Variants in EMCN observed in about 807,000 individuals in gnomAD.
EMCN encodes endomucin.
EMCN carries 37 observed loss-of-function variants against 38.4 expected under a neutral mutation model. The observed-to-expected ratio is 0.96, with a 90% confidence interval of 0.74 to 1.27. The LOEUF (loss-of-function observed/expected upper bound fraction) is 1.27, where lower values mean the gene tolerates loss of function less well. Among genes scored for constraint, EMCN ranks in the 50% most tolerant of loss-of-function variants. The probability of loss-of-function intolerance (pLI) is 0.00; values close to 1 mark genes in which losing one functional copy is unlikely to be tolerated. For missense variants in EMCN, 318 were observed against 302.8 expected (o/e 1.05, Z -0.37); for synonymous variants, 95 against 100.8 (o/e 0.94, Z 0.35).
At position 100,399,369 on chromosome 4, in the gene EMCN, G is replaced by T. The variant is rs1020117174; in HGVS notation, c.*40-996C>A. Among the ~76,000 whole-genome samples, 5 of 152,110 alleles carry T rather than the reference G, an allele frequency of 3.3e-5. No individual in the cohort carries two copies. In the East Asian group the frequency reaches 9.7e-4, roughly 29 times the overall value. On this transcript the variant is annotated intron_variant, in intron 11 of 11. Coordinates refer to ENST00000296420, the MANE Select transcript of EMCN (RefSeq NM_016242.4). ...GTGTGTGTGGTGGGGTGTGGGGAGT[G>T]GTACAAGTGGCGGAGACCTGTAACC...
intron 5 of EMCN, among the ~76,000 whole-genome samples, chr4:100,442,836 A>G (rs1727561089): frequency 6.6e-6 from 1 of 151,936 alleles, no homozygotes; most frequent in South Asian, 2.1e-4. Context: ...TCAGTTCATT[A>G]TTTAATTTTA....
intron 1 of EMCN, among the ~76,000 whole-genome samples, chr4:100,496,769 T>C (rs560102298): frequency 2.2e-4 from 34 of 152,224 alleles, no homozygotes; most frequent in African/African-American, 8.2e-4. Context: ...CAGACGCAGA[T>C]TAGAGATTTG....
intron 4 of EMCN, among the ~76,000 whole-genome samples, chr4:100,455,731 G>A (rs1727997322): frequency 1.3e-5 from 2 of 151,760 alleles, no homozygotes; most frequent in Admixed American, 6.6e-5. Flanking sequence ...GGCTCTTTAA[G>A]TTACCTGAAT....
Position 100,473,365 on chromosome 4 carries a change from G to GTTT in EMCN, c.259+1670_259+1672dup. ...TTCTAATGGGCATTTCCCGTTTCGT[G>GTTT]TTTTTTTGTTTTTTTTTTTTGTTTT... On this transcript the variant is annotated intron_variant, in intron 3 of 11. Transcript: ENST00000296420. Among the ~76,000 whole-genome samples, 269 of 29,828 alleles carry GTTT rather than the reference G, an allele frequency of 9.0e-3. 34 individuals are homozygous for GTTT. The highest frequency in any genetic ancestry group is 0.033 in the East Asian group (34 of 1,034). The allele number at this position is 29,828 out of a possible 152,430, so 19.6% of individuals were successfully genotyped here.
At chr4:100,510,269 G>C (rs1320373305) in intron 1 of EMCN, among the ~76,000 whole-genome samples, 1 of 152,158 alleles carries the variant, frequency 6.6e-6, no homozygotes, top group African/African-American at 2.4e-5. Context: ...TTAGTTTATA[G>C]ATGAAGGTAA....
At chr4:100,476,617 T>A (rs1728658924) in intron 2 of EMCN, among the ~76,000 whole-genome samples, 1 of 152,246 alleles carries the variant, frequency 6.6e-6, no homozygotes. Flanking sequence ...TTTTATTCTC[T>A]GCAAAATTGT....
At chr4:100,515,701 T>A (rs116820568) in intron 1 of EMCN, among the ~76,000 whole-genome samples, 3,907 of 152,166 alleles carry the variant, frequency 0.026, 68 homozygotes, top group Non-Finnish European at 0.041. Context: ...GCTGATGAAA[T>A]ATGTTAATCA....
intron 1 of EMCN, among the ~76,000 whole-genome samples, chr4:100,484,658 A>C (rs1728894722): frequency 6.6e-6 from 1 of 152,180 alleles, no homozygotes. Context: ...CCTAAAGTCC[A>C]GTAGAAATCC....
At chr4:100,515,790 CTCAG>C (rs1729739580) in intron 1 of EMCN, among the ~76,000 whole-genome samples, 1 of 152,080 alleles carries the variant, frequency 6.6e-6, no homozygotes, top group Middle Eastern at 3.4e-3. Flanking sequence ...AATAAAGGTA[CTCAG>C]TCAGCTTAGG....
chr4:100,490,372 G>A (rs1017948752), intron 1 of EMCN, among the ~76,000 whole-genome samples: 33 of 152,072 alleles, frequency 2.2e-4, no homozygotes, highest in African/African-American at 7.5e-4. Flanking sequence ...TATTAGTATA[G>A]AAAAAAATAT....
At chr4:100,439,558 ATTT>A in intron 5 of EMCN, among the ~76,000 whole-genome samples, 1 of 148,750 alleles carries the variant, frequency 6.7e-6, no homozygotes, top group Admixed American at 6.7e-5. Context: ...AGGTTTATCC[ATTT>A]TTTTTTATTT....
chr4:100,500,382 C>G (rs1433486064), intron 1 of EMCN, among the ~76,000 whole-genome samples: 1 of 152,052 alleles, frequency 6.6e-6, no homozygotes, highest in Non-Finnish European at 1.5e-5. Context: ...CAAAACATGA[C>G]AAAATATAAA....
At chr4:100,499,526 A>T (rs1161487890) in intron 1 of EMCN, among the ~76,000 whole-genome samples, 5 of 152,226 alleles carry the variant, frequency 3.3e-5, no homozygotes, top group Non-Finnish European at 7.3e-5. Flanking sequence ...GAGGAAAATC[A>T]AACTTAAGTG....
chr4:100,402,120 T>C (rs1726275731), intron 11 of EMCN, among the ~76,000 whole-genome samples: 1 of 152,144 alleles, frequency 6.6e-6, no homozygotes, highest in Non-Finnish European at 1.5e-5. Flanking sequence ...TTCTACGTAT[T>C]TGCTACCCCT....
At chr4:100,465,398 C>T (rs759825495) in intron 4 of EMCN, 25 bp downstream of exon 4, 10 of 1,405,060 alleles carry the variant, frequency 7.1e-6, no homozygotes, top group Non-Finnish European at 9.9e-6. Context: ...TAGTTTAACA[C>T]TTCAGCACAA....
At chr4:100,426,664 C>G (rs781625876) in intron 5 of EMCN, among the ~76,000 whole-genome samples, 1 of 152,128 alleles carries the variant, frequency 6.6e-6, no homozygotes, top group East Asian at 1.9e-4. Flanking sequence ...AGAAATGAAG[C>G]CTCAGGAATT....
At chr4:100,488,681 AG>A (rs2110289766) in intron 1 of EMCN, among the ~76,000 whole-genome samples, 1 of 152,304 alleles carries the variant, frequency 6.6e-6, no homozygotes, top group South Asian at 2.1e-4. Flanking sequence ...TTCTAAAAAT[AG>A]TCTACAGTAT....
At chr4:100,423,638 G>A (rs553812693) in intron 5 of EMCN, among the ~76,000 whole-genome samples, 1 of 152,016 alleles carries the variant, frequency 6.6e-6, no homozygotes, top group Non-Finnish European at 1.5e-5. Context: ...TCAGGAACTC[G>A]CCAAGAAAAC....
chr4:100,486,018 C>T (rs1412275930), intron 1 of EMCN, among the ~76,000 whole-genome samples: 1 of 151,928 alleles, frequency 6.6e-6, no homozygotes, highest in East Asian at 1.9e-4. Context: ...TGTGTTTTTC[C>T]TAGAGTAACT....
Sources: gnomAD v4.1 joint callset for allele counts (sites outside exome capture counted in the v4.1 genomes callset) on GRCh38, gnomAD v4.1.1 for gene constraint, MANE v1.5 for transcripts, NCBI Gene and HGNC (gene_info 2026-07-23, HGNC 2026-07-21) for gene names.